GOLGB1: variants seen among roughly 807,000 people sequenced by gnomAD.
GOLGB1 encodes golgin B1.
GOLGB1 carries 174 observed loss-of-function variants against 336.9 expected under a neutral mutation model. The observed-to-expected ratio is 0.52, with a 90% CI of 0.46 to 0.59. The LOEUF (loss-of-function observed/expected upper bound fraction) is 0.59. GOLGB1 is among the 20% of genes least tolerant of loss of function. The pLI is 0.00. For synonymous variants in GOLGB1, 1,208 were observed against 1,289.2 expected (o/e 0.94, Z 1.35); for missense variants, 3,331 against 3,645.3 (o/e 0.91, Z 2.22).
intron 8 of GOLGB1, among the ~76,000 whole-genome samples, chr3:121,717,765 A>G (rs1441801864): frequency 6.6e-6 from 1 of 152,318 alleles, no homozygotes; most frequent in East Asian, 1.9e-4. Flanking sequence ...AAAGAAACTC[A>G]CTAAAGGATA....
intron 10 of GOLGB1, among the ~76,000 whole-genome samples, chr3:121,705,781 G>C (rs966833948): frequency 3.9e-5 from 6 of 152,240 alleles, no homozygotes; most frequent in Non-Finnish European, 7.3e-5. Flanking sequence ...TATCTGAAGA[G>C]ATTAAAGAAT....
At chr3:121,678,705 T>C (rs1940711144) in intron 15 of GOLGB1, among the ~76,000 whole-genome samples, 1 of 152,106 alleles carries the variant, frequency 6.6e-6, no homozygotes, top group Non-Finnish European at 1.5e-5. Context: ...GCAGCTGGGA[T>C]TACAGGCGCA....
chr3:121,748,133 G>T (rs1223983086), intron 1 of GOLGB1, among the ~76,000 whole-genome samples: 1 of 152,080 alleles, frequency 6.6e-6, no homozygotes, highest in East Asian at 1.9e-4. Context: ...TTTAAGAAAG[G>T]CTGCATCCCA....
chr3:121,692,479 C>A lies in GOLGB1; in HGVS notation c.6885G>T (p.Leu2295Phe). The A allele has an allele frequency of 5.6e-6, 9 of 1,613,992 alleles. No individual in the cohort carries two copies. In the Admixed American group the frequency reaches 1.3e-4, roughly 24 times the overall value. ...GGTGGCGTGTCTCTTCTAGCTGGGA[C>A]AAAAGTTCTTTGTTTTCCCCCTGTA... ...DTLQGENKEL[L>F]SQLEETRHLY... The change falls in exon 14 of 22, where the codon TTG becomes TTT. Residue 2295 changes from leucine to phenylalanine, a missense_variant. Coordinates refer to ENST00000614479, the MANE Select transcript of GOLGB1 (RefSeq NM_001366282.2).
chr3:121,665,725 T>C (rs1938522895), intron 20 of GOLGB1, among the ~76,000 whole-genome samples: 1 of 152,224 alleles, frequency 6.6e-6, no homozygotes, highest in African/African-American at 2.4e-5. Flanking sequence ...GCACGTTTGA[T>C]CAAGCATTTG....
intron 12 of GOLGB1, among the ~76,000 whole-genome samples, chr3:121,699,130 G>A (rs940907330): frequency 6.6e-6 from 1 of 152,076 alleles, no homozygotes; most frequent in African/African-American, 2.4e-5. Context: ...TGCCAATCCT[G>A]CACTGAAGTC....
intron 1 of GOLGB1, among the ~76,000 whole-genome samples, chr3:121,747,221 T>C (rs1192272150): frequency 7.2e-6 from 1 of 138,824 alleles, no homozygotes; most frequent in Non-Finnish European, 1.5e-5. Flanking sequence ...ACATGTTATG[T>C]ATGGATGTTA....
chr3:121,739,287 GA>G lies in GOLGB1; in HGVS notation c.-2-8315del, dbSNP rs201915108. Among the ~76,000 whole-genome samples, 634 of 151,702 alleles carry G rather than the reference GA, an allele frequency of 4.2e-3. 5 individuals carry two copies. The highest frequency in any genetic ancestry group is 0.013 in the African/African-American group (558 of 41,358). On this transcript the variant is annotated intron_variant, in intron 1 of 21. Coordinates refer to ENST00000614479, the MANE Select transcript of GOLGB1 (RefSeq NM_001366282.2). ...CACAAAAAAGAAAAAAAGAGCAACT[GA>G]AAAGTCTCACAATTCAGATACATTA...
chr3:121,731,722 T>C (rs1946134337), intron 1 of GOLGB1, among the ~76,000 whole-genome samples: 1 of 152,008 alleles, frequency 6.6e-6, no homozygotes, highest in South Asian at 2.1e-4. Flanking sequence ...AATGCATATA[T>C]TAGAAAAGGA....
chr3:121,737,289 T>G (rs1395994967), intron 1 of GOLGB1, among the ~76,000 whole-genome samples: 1 of 152,268 alleles, frequency 6.6e-6, no homozygotes, highest in East Asian at 1.9e-4. Context: ...AACTGGACTA[T>G]GCATAGCATT....
Position 121,664,071 on chromosome 3 carries a change from C to T in GOLGB1, c.*409G>A, listed in dbSNP as rs908900098. On this transcript the variant is annotated 3_prime_UTR_variant, in exon 22 of 22. Coordinates refer to ENST00000614479, the MANE Select transcript of GOLGB1 (RefSeq NM_001366282.2). ...TGAAACAGGAGAAAATACAGGCAAA[C>T]AAGGCAAAGAAAGTTATCAATCAAA... 2.2e-5 allele frequency: 4 copies of T among 178,852 alleles called. No individual in the cohort carries two copies. The highest frequency in any genetic ancestry group is 9.4e-5 in the African/African-American group (4 of 42,514). 11.1% of individuals were successfully genotyped at this position (178,852 alleles called of 1,614,324 possible). A position where few individuals can be genotyped will look rare whatever the true frequency, so the allele number is the denominator to read the frequency against.
intron 17 of GOLGB1, among the ~76,000 whole-genome samples, chr3:121,670,634 GATGTCAA>G (rs1399609895): frequency 6.6e-6 from 1 of 151,626 alleles, no homozygotes; most frequent in East Asian, 1.9e-4. Context: ...ATGGCTAGTA[GATGTCAA>G]ACCAGGACTC....
rs557798913 is a variant in GOLGB1, at chr3:121,681,543, T to C, written c.8873+144A>G. 4.6e-5 allele frequency: 29 copies of C among 627,658 alleles called. No individual in the cohort carries two copies. The South Asian group carries it at 5.9e-4, about 13-fold the overall frequency. 38.9% of individuals were successfully genotyped at this position (627,658 alleles called of 1,614,324 possible). Reference sequence around the variant, plus strand: ...CAGTTTCCTGGTTTTGATACTGTGCTACAGTTATGTAAGATGTCACCACTG... The same window carrying C: ...CAGTTTCCTGGTTTTGATACTGTGCCACAGTTATGTAAGATGTCACCACTG... On this transcript the variant is annotated intron_variant, in intron 15 of 21. Coordinates refer to ENST00000614479, the MANE Select transcript of GOLGB1 (RefSeq NM_001366282.2).
chr3:121,674,825 CTTTTT>C (rs891603400), intron 17 of GOLGB1, among the ~76,000 whole-genome samples: 1 of 121,026 alleles, frequency 8.3e-6, no homozygotes, highest in African/African-American at 3.1e-5. Context: ...AGGTGCCTTT[CTTTTT>C]TTTTTTTTTT....
chr3:121,672,651 A>G (rs1939706152), intron 17 of GOLGB1, among the ~76,000 whole-genome samples: 1 of 151,954 alleles, frequency 6.6e-6, no homozygotes, highest in Admixed American at 6.6e-5. Flanking sequence ...CCATTTGTCT[A>G]TTTTTGCCTT....
At chr3:121,680,368 T>A (rs962557356) in intron 15 of GOLGB1, among the ~76,000 whole-genome samples, 1 of 152,184 alleles carries the variant, frequency 6.6e-6, no homozygotes. Flanking sequence ...AATCAACAGT[T>A]TATAACACTG....
intron 3 of GOLGB1, 145 bp downstream of exon 3, chr3:121,729,720 A>G (rs2108283885): frequency 1.6e-6 from 1 of 619,380 alleles, no homozygotes; most frequent in Non-Finnish European, 2.7e-6. Flanking sequence ...CCGACCCAAA[A>G]GTTATTTTCA....
intron 1 of GOLGB1, among the ~76,000 whole-genome samples, chr3:121,744,824 A>C (rs1947135372): frequency 6.6e-6 from 1 of 152,178 alleles, no homozygotes; most frequent in Non-Finnish European, 1.5e-5. Flanking sequence ...TCATAGATTG[A>C]TTCAACAGTC....
intron 1 of GOLGB1, among the ~76,000 whole-genome samples, chr3:121,736,346 A>G (rs1370969047): frequency 8.5e-5 from 13 of 152,210 alleles, no homozygotes; most frequent in African/African-American, 2.4e-5. Context: ...CCAAGTGATC[A>G]AGATTAACAT....
Sources: allele counts gnomAD v4.1 joint callset (sites outside exome capture counted in the v4.1 genomes callset), GRCh38; gene constraint gnomAD v4.1.1; transcripts MANE v1.5; gene names NCBI Gene and HGNC (gene_info 2026-07-23, HGNC 2026-07-21).